INPP4A: variants seen among roughly 807,000 people sequenced by gnomAD.
INPP4A encodes the protein inositol polyphosphate-4-phosphatase type I A, also known as inositol polyphosphate-4-phosphatase, type I, 107kD.
In INPP4A, 33 loss-of-function variants were observed where a neutral mutation model predicts 119.8. That is an observed-to-expected ratio of 0.28 (90% CI 0.21 to 0.37). INPP4A has a LOEUF of 0.37. INPP4A is among the 10% of genes least tolerant of loss of function. The pLI, the probability that INPP4A is intolerant of heterozygous loss-of-function variation, is 1.00. For synonymous variants in INPP4A, 496 were observed against 500.7 expected (o/e 0.99, Z 0.12); for missense variants, 956 against 1,289.9 (o/e 0.74, Z 3.97).
At chr2:98,561,108 C>T (rs1179353065) in intron 17 of INPP4A, among the ~76,000 whole-genome samples, 1 of 152,178 alleles carries the variant, frequency 6.6e-6, no homozygotes, top group Non-Finnish European at 1.5e-5. Context: ...TCTCCCTCCC[C>T]TACTGATGAG....
At chr2:98,547,979 T>G (rs1458021634) in intron 13 of INPP4A, among the ~76,000 whole-genome samples, 3 of 152,136 alleles carry the variant, frequency 2.0e-5, no homozygotes, top group Non-Finnish European at 2.9e-5. Flanking sequence ...GCATGTGCCA[T>G]GGAGCTGGTG....
rs1290577700 is a variant in INPP4A, at chr2:98,544,061, ACACT to A, written c.949+56_949+59del. ...CACGCGTGCGCACACACACACACAC[ACACT>A]CTCACTCTCACTCAGTCACTCCCTC... On this transcript the variant is annotated intron_variant, in intron 11 of 24. Transcript: ENST00000409851. 6 of 1,463,848 alleles carry A rather than the reference ACACT, an allele frequency of 4.1e-6. No individual in the cohort carries two copies. The East Asian group carries it at 1.0e-4, about 25-fold the overall frequency. 90.7% of individuals were successfully genotyped at this position (1,463,848 alleles called of 1,614,324 possible).
At chr2:98,483,921 G>A (rs1411700499) in intron 1 of INPP4A, among the ~76,000 whole-genome samples, 1 of 152,110 alleles carries the variant, frequency 6.6e-6, no homozygotes, top group Non-Finnish European at 1.5e-5. Context: ...GCATAAAGAA[G>A]CTCCTGCACC....
At chr2:98,550,901 C>T (rs2106167725) in intron 13 of INPP4A, among the ~76,000 whole-genome samples, 1 of 152,050 alleles carries the variant, frequency 6.6e-6, no homozygotes, top group East Asian at 1.9e-4. Context: ...GATCTACATA[C>T]AGCACATTTT....
Position 98,570,699 on chromosome 2 carries a change from G to C in INPP4A, c.2518+2031G>C, listed in dbSNP as rs1697286056. 6.6e-6 allele frequency among the ~76,000 whole-genome samples: 1 copy of C among 152,154 alleles called. No individual in the cohort carries two copies. Among genetic ancestry groups the C allele is most frequent in the Non-Finnish European group, 1.5e-5 (1 of 68,010 alleles). On this transcript the variant is annotated intron_variant, in intron 22 of 24. Coordinates refer to ENST00000409851, the MANE Select transcript of INPP4A (RefSeq NM_001134225.2). This position sits in a 1 kb window ranked among gnomAD's most constrained non-coding sequence, Gnocchi z 4.3. ...CACCAGAGTCACAGACCAGGCCCTG[G>C]AGTGGGCAGGCGGAGGGTGCCCTTG...
chr2:98,524,141 A>G (rs1254375234), intron 4 of INPP4A, among the ~76,000 whole-genome samples: 2 of 152,202 alleles, frequency 1.3e-5, no homozygotes, highest in Non-Finnish European at 2.9e-5. Flanking sequence ...ACACTATCAC[A>G]GTGAACGTAT....
chr2:98,463,629 A>G (rs1342089900), intron 1 of INPP4A, among the ~76,000 whole-genome samples: 1 of 152,240 alleles, frequency 6.6e-6, no homozygotes, highest in Non-Finnish European at 1.5e-5. Flanking sequence ...GTTTTCAGGC[A>G]CAAAGGAATT....
intron 1 of INPP4A, among the ~76,000 whole-genome samples, chr2:98,447,964 G>A (rs910055760): frequency 6.7e-5 from 10 of 150,020 alleles, no homozygotes; most frequent in Admixed American, 1.3e-4. Context: ...GGAGAATGGC[G>A]TGAACCTGGG....
chr2:98,587,655 C>T lies in INPP4A; in HGVS notation c.*47C>T. The T allele has an allele frequency of 6.9e-7, 1 of 1,445,238 alleles. No individual in the cohort carries two copies. The highest frequency in any genetic ancestry group is 9.3e-7 in the Non-Finnish European group (1 of 1,069,958). The allele number at this position is 1,445,238 out of a possible 1,614,324, so 89.5% of individuals were successfully genotyped here. On this transcript the variant is annotated 3_prime_UTR_variant, in exon 25 of 25. Coordinates refer to ENST00000409851, the MANE Select transcript of INPP4A (RefSeq NM_001134225.2). The stretch of plus-strand genomic sequence containing the variant: ...GCTGTTACATAATAAATGTGGGTAC[C>T]CTCTAGTGTCATATATGAATTCTTC...
chr2:98,454,786 G>T (rs1420737340), intron 1 of INPP4A, among the ~76,000 whole-genome samples: 1 of 150,698 alleles, frequency 6.6e-6, no homozygotes, highest in Non-Finnish European at 1.5e-5. Context: ...GAAGTGGAGG[G>T]CTTGCACTCT....
chr2:98,455,998 G>A (rs973077595), intron 1 of INPP4A, among the ~76,000 whole-genome samples: 3 of 152,168 alleles, frequency 2.0e-5, no homozygotes, highest in Admixed American at 2.0e-4. Flanking sequence ...GCCCTTTGCA[G>A]ACAGTCCCCC....
intron 13 of INPP4A, 113 bp from the exon 14 acceptor site, chr2:98,552,673 C>A (rs779049494): frequency 2.3e-6 from 2 of 863,148 alleles, no homozygotes; most frequent in Admixed American, 1.8e-5. Context: ...AGAGAACATC[C>A]CTGAGTCACA....
Position 98,519,948 on chromosome 2 carries a change from C to G in INPP4A, c.-101C>G, listed in dbSNP as rs1479763363. 2 of 850,136 alleles carry G rather than the reference C, an allele frequency of 2.4e-6. No individual in the cohort carries two copies. Among genetic ancestry groups the G allele is most frequent in the Non-Finnish European group, 3.9e-6 (2 of 510,006 alleles). The allele number at this position is 850,136 out of a possible 1,614,324, so 52.7% of individuals were successfully genotyped here. A position where few individuals can be genotyped will look rare whatever the true frequency, so the allele number is the denominator to read the frequency against. On this transcript the variant is annotated splice_region_variant and 5_prime_UTR_variant, in exon 3 of 25. Coordinates refer to ENST00000409851, the MANE Select transcript of INPP4A (RefSeq NM_001134225.2). ...CTTACAAGTGCTCCTTTTCTCAGGGCTACTGCCACTTTAGTGGACTAGGGC... is the reference window on the plus strand; with the variant it reads ...CTTACAAGTGCTCCTTTTCTCAGGGGTACTGCCACTTTAGTGGACTAGGGC...
At chr2:98,528,608 A>T (rs1163822256) in intron 4 of INPP4A, among the ~76,000 whole-genome samples, 1 of 152,256 alleles carries the variant, frequency 6.6e-6, no homozygotes, top group Non-Finnish European at 1.5e-5. Context: ...TTGATACATC[A>T]TACTCAAATC....
At chr2:98,496,750 A>C (rs1196528499) in intron 1 of INPP4A, among the ~76,000 whole-genome samples, 2 of 152,224 alleles carry the variant, frequency 1.3e-5, no homozygotes, top group African/African-American at 4.8e-5. Context: ...AATGGCCAAC[A>C]GGTATAGGAA....
chr2:98,494,494 C>G (rs917721609), intron 1 of INPP4A, among the ~76,000 whole-genome samples: 1 of 152,072 alleles, frequency 6.6e-6, no homozygotes, highest in Non-Finnish European at 1.5e-5. Context: ...GCGCCCAGCT[C>G]TAGAACAGTG....
intron 1 of INPP4A, among the ~76,000 whole-genome samples, chr2:98,484,183 C>T (rs1192862533): frequency 6.6e-6 from 1 of 152,160 alleles, no homozygotes; most frequent in African/African-American, 2.4e-5. Context: ...GGTCCCATCA[C>T]CTTCTGATGA....
intron 1 of INPP4A, among the ~76,000 whole-genome samples, chr2:98,483,287 TTG>T (rs1166708483): frequency 6.6e-6 from 1 of 152,224 alleles, no homozygotes; most frequent in Non-Finnish European, 1.5e-5. Context: ...ATCGAATTCT[TTG>T]TGTTTTGTGA....
At chr2:98,560,420 T>G (rs1002609533) in intron 17 of INPP4A, among the ~76,000 whole-genome samples, 2 of 152,108 alleles carry the variant, frequency 1.3e-5, no homozygotes, top group Non-Finnish European at 2.9e-5. Flanking sequence ...GCCCCATGAG[T>G]CAGCATAGTG....
Sources: gnomAD v4.1 joint callset for allele counts (sites outside exome capture counted in the v4.1 genomes callset) on GRCh38, gnomAD v4.1.1 for gene constraint, Gnocchi (gnomAD v3.1) non-coding constraint, MANE v1.5 for transcripts, NCBI Gene and HGNC (gene_info 2026-07-23, HGNC 2026-07-21) for gene names.